FRK: variants seen among roughly 807,000 people sequenced by gnomAD.
The protein encoded by FRK is fyn related Src family tyrosine kinase.
FRK carries 51 observed loss-of-function variants against 56.4 expected under a neutral mutation model. The observed-to-expected ratio is 0.90, with a 90% CI of 0.72 to 1.14. FRK has a LOEUF of 1.14. Ranked by LOEUF, FRK falls within the 50% of genes most tolerant of loss-of-function variation. The probability of loss-of-function intolerance (pLI) is 0.00; values close to 1 mark genes in which losing one functional copy is unlikely to be tolerated. For missense variants in FRK, 570 were observed against 601.4 expected, an observed-to-expected ratio of 0.95 and a Z score of 0.55; for synonymous variants, 245 against 217.9, an observed-to-expected ratio of 1.12 and a Z score of -1.10.
intron 1 of FRK, among the ~76,000 whole-genome samples, chr6:116,034,758 C>T (rs1433174320): frequency 6.6e-6 from 1 of 152,054 alleles, no homozygotes; most frequent in Admixed American, 6.6e-5. Flanking sequence ...AAGTTTTACC[C>T]TGGATACTTG....
intron 1 of FRK, among the ~76,000 whole-genome samples, chr6:116,023,973 GA>G (rs985093161): frequency 2.7e-5 from 4 of 148,466 alleles, no homozygotes; most frequent in African/African-American, 9.9e-5. Flanking sequence ...GTTGGCTTTT[GA>G]AAAAAAAATA....
chr6:116,031,815 T>A (rs765947023), intron 1 of FRK, among the ~76,000 whole-genome samples: 8 of 152,118 alleles, frequency 5.3e-5, no homozygotes, highest in African/African-American at 1.2e-4. Context: ...AATTTATCTA[T>A]GAAATATGAA....
chr6:116,071,068 G>A, the FRK span, among the ~76,000 whole-genome samples: 1 of 152,092 alleles, frequency 6.6e-6, no homozygotes, highest in African/African-American at 2.4e-5. Flanking sequence ...TTGGGCCTTG[G>A]AAGATAAGAG....
intron 2 of FRK, among the ~76,000 whole-genome samples, chr6:115,989,792 T>C (rs985461537): frequency 9.9e-5 from 15 of 151,890 alleles, no homozygotes; most frequent in Non-Finnish European, 2.2e-4. Context: ...TTTCACTTTG[T>C]GTAAATACCC....
At chr6:115,944,199 C>A (rs761049372) in intron 6 of FRK, 45 bp downstream of exon 6, 34 of 1,498,658 alleles carry the variant, frequency 2.3e-5, no homozygotes, top group Admixed American at 3.7e-5. Flanking sequence ...AACTGTTAGA[C>A]TTTTGACCTA....
chr6:116,015,402 T>C (rs1775612916), intron 1 of FRK, among the ~76,000 whole-genome samples: 1 of 152,240 alleles, frequency 6.6e-6, no homozygotes, highest in African/African-American at 2.4e-5. Context: ...TAAACCTCTT[T>C]TCTTCATAAA....
chr6:115,998,249 G>A (rs2114680150), intron 2 of FRK, among the ~76,000 whole-genome samples: 1 of 152,196 alleles, frequency 6.6e-6, no homozygotes, highest in African/African-American at 2.4e-5. Context: ...TATCCCCCCG[G>A]ACTATTGCCT....
the FRK span, among the ~76,000 whole-genome samples, chr6:116,097,991 T>C: frequency 2.0e-5 from 3 of 150,710 alleles, no homozygotes; most frequent in Non-Finnish European, 4.4e-5. Context: ...ACAATGGGGT[T>C]TAGACAACAA....
chr6:116,100,413 G>A, the FRK span, among the ~76,000 whole-genome samples: 1 of 152,226 alleles, frequency 6.6e-6, no homozygotes, highest in Non-Finnish European at 1.5e-5. Context: ...TAGGCTAACT[G>A]GGTCAGAGGG....
Position 115,944,396 on chromosome 6 carries a change from G to C in FRK, c.988C>G (p.Gln330Glu). The C allele has an allele frequency of 1.9e-6, 3 of 1,608,428 alleles. No homozygotes were observed. Among genetic ancestry groups the C allele is most frequent in the Non-Finnish European group, 2.5e-6 (3 of 1,178,674 alleles). Reference sequence around the variant, plus strand: ...ACCTGTGCCGCCATGTCTACCTGTTGAGTCAGATGGATTTTTGATCCAGTG... The same window carrying C: ...ACCTGTGCCGCCATGTCTACCTGTTCAGTCAGATGGATTTTTGATCCAGTG... ...NDTGSKIHLT[Q>E]QVDMAAQVAS... Residue 330 changes from glutamine (Q) to glutamate (E), a missense_variant, in exon 6 of 8, where the codon CAA (glutamine) becomes GAA (glutamate). Transcript: ENST00000606080.
chr6:115,970,094 A>C (rs1773744686), intron 2 of FRK, among the ~76,000 whole-genome samples: 1 of 151,874 alleles, frequency 6.6e-6, no homozygotes, highest in Admixed American at 6.6e-5. Flanking sequence ...CCCACTTCCC[A>C]TATGGAGGTT....
chr6:116,066,559 C>T, the FRK span, among the ~76,000 whole-genome samples: 115,612 of 152,010 alleles, frequency 0.76, 44,939 homozygotes, highest in Middle Eastern at 0.9. Context: ...ATCAATCAGA[C>T]CTGTGTTTTT....
chr6:116,050,572 T>A (rs1281515721), intron 1 of FRK, among the ~76,000 whole-genome samples: 1 of 152,170 alleles, frequency 6.6e-6, no homozygotes. Flanking sequence ...ATGTGTGTTC[T>A]CCTTCCCTGC....
rs1474945154 is a variant in FRK, at chr6:115,968,674, T to G, written c.532A>C (p.Thr178Pro). 1.9e-6 allele frequency: 3 copies of G among 1,613,822 alleles called. No homozygotes were observed. In the South Asian group the frequency reaches 3.3e-5, roughly 18 times the overall value. The change falls in exon 3 of 8, where the codon ACG (threonine) becomes CCG (proline). Residue 178 changes from threonine (T) to proline (P), a missense_variant. Transcript: ENST00000606080. ...KRLDEGGFFL[T>P]RRRIFSTLNE... Reference sequence around the variant, plus strand: ...AGTGTTGAAAAGATTCTTCTTCGCGTGAGAAAAAATCCCCCTTCATCCAGT... The same window carrying G: ...AGTGTTGAAAAGATTCTTCTTCGCGGGAGAAAAAATCCCCCTTCATCCAGT...
At chr6:115,975,322 ATGT>A in intron 2 of FRK, among the ~76,000 whole-genome samples, 1 of 152,204 alleles carries the variant, frequency 6.6e-6, no homozygotes, top group Admixed American at 6.5e-5. Flanking sequence ...ACTGGAAGAT[ATGT>A]ATTATTTAAA....
the FRK span, among the ~76,000 whole-genome samples, chr6:116,099,150 T>C: frequency 9.2e-5 from 14 of 152,176 alleles, no homozygotes; most frequent in Non-Finnish European, 1.6e-4. Flanking sequence ...AGTGCCCTGG[T>C]TCCCTCTCTC....
intron 1 of FRK, among the ~76,000 whole-genome samples, chr6:116,052,464 C>A (rs929352784): frequency 2.0e-5 from 3 of 152,096 alleles, no homozygotes; most frequent in African/African-American, 7.2e-5. Flanking sequence ...CCAATCAGTG[C>A]TTATTATTCA....
At position 115,967,799 on chromosome 6, in the gene FRK, G is replaced by C. The variant is rs1423249648; in HGVS notation, c.631-80C>G. Reference sequence around the variant, plus strand: ...TTATTTTGTTGAAAATAATAGTCTAGGTACTTTTAAATAAAACTTCTTAAA... The same window carrying C: ...TTATTTTGTTGAAAATAATAGTCTACGTACTTTTAAATAAAACTTCTTAAA... On this transcript the variant is annotated intron_variant, in intron 3 of 7. Transcript: ENST00000606080. 6.2e-6 allele frequency: 7 copies of C among 1,122,770 alleles called. No individual in the cohort carries two copies. The Admixed American group carries it at 2.1e-4, about 34-fold the overall frequency. 69.6% of individuals were successfully genotyped at this position (1,122,770 alleles called of 1,614,324 possible).
intron 2 of FRK, among the ~76,000 whole-genome samples, chr6:115,975,558 T>C (rs995248615): frequency 6.6e-6 from 1 of 152,178 alleles, no homozygotes; most frequent in Non-Finnish European, 1.5e-5. Flanking sequence ...AATTTTCTAT[T>C]CCTTTCCTGG....
Sources: gnomAD v4.1 joint callset for allele counts (sites outside exome capture counted in the v4.1 genomes callset) on GRCh38, gnomAD v4.1.1 for gene constraint, MANE v1.5 for transcripts, NCBI Gene and HGNC (gene_info 2026-07-23, HGNC 2026-07-21) for gene names.